SAPCD2: variants seen among roughly 807,000 people sequenced by gnomAD.
SAPCD2 encodes suppressor APC domain containing 2, also known as suppressor APC domain-containing protein 2.
In SAPCD2, 34 loss-of-function variants were observed where a neutral mutation model predicts 37.8. The observed-to-expected ratio is 0.90, with a 90% confidence interval of 0.68 to 1.20. SAPCD2 has a LOEUF of 1.20. Among genes scored for constraint, SAPCD2 ranks in the 50% most tolerant of loss-of-function variants. SAPCD2 has a pLI of 0.00. For synonymous variants in SAPCD2, 275 were observed against 270.3 expected (o/e 1.02, Z -0.17); for missense variants, 572 against 584.7 (o/e 0.98, Z 0.22).
intron 1 of SAPCD2, among the ~76,000 whole-genome samples, chr9:137,067,480 A>G (rs2131530481): frequency 6.6e-6 from 1 of 150,896 alleles, no homozygotes; most frequent in Middle Eastern, 3.4e-3. Flanking sequence ...CAAAAAAAAA[A>G]AAGATCCCTT....
rs1832480327 is a variant in SAPCD2 at position 137,062,866 on chromosome 9, A to G, written c.*1793T>C. 6.6e-6 allele frequency: 1 copy of G among 152,250 alleles called. No individual in the cohort carries two copies. Among genetic ancestry groups the G allele is most frequent in the African/African-American group, 2.4e-5 (1 of 41,458 alleles). 9.4% of individuals were successfully genotyped at this position (152,250 alleles called of 1,614,324 possible). A position where few individuals can be genotyped will look rare whatever the true frequency, so the allele number is the denominator to read the frequency against. ...GAAAGGCAGTTTTTCCGGAGGTGCC[A>G]GCCTGTCTCACATTTCCGCTTCAGC... is the stretch of plus-strand genomic sequence containing the variant. On this transcript the variant is annotated 3_prime_UTR_variant, in exon 6 of 6. Coordinates refer to ENST00000409687, the MANE Select transcript of SAPCD2 (RefSeq NM_178448.4).
At position 137,064,734 on chromosome 9, in the gene SAPCD2, C is replaced by T. The variant is rs759461557; in HGVS notation, c.1110G>A (p.Ala370=). ...GGGCCTCAAACAGCTGCTTAATGAG[C>T]GCCGACTTCTCCTGCTCCAGCTGCG... ...RITQLEQEKS[A]LIKQLFEARA... Residue 370 remains alanine (A), a synonymous_variant, in exon 6 of 6, where the codon GCG becomes GCA. Coordinates refer to ENST00000409687, the MANE Select transcript of SAPCD2 (RefSeq NM_178448.4). 8.2e-6 allele frequency: 13 copies of T among 1,590,906 alleles called. No individual in the cohort carries two copies. The highest frequency in any genetic ancestry group is 1.1e-5 in the Non-Finnish European group (13 of 1,169,674).
chr9:137,065,278 G>T, intron 3 of SAPCD2, 93 bp from the exon 4 acceptor site: 2 of 993,196 alleles, frequency 2.0e-6, no homozygotes, highest in Non-Finnish European at 2.9e-6. Flanking sequence ...TGGCTCTCCT[G>T]CCTCCTGATG....
Position 137,064,652 on chromosome 9 carries a change from A to G in SAPCD2, c.*7T>C. Reference sequence around the variant, plus strand: ...CTGGCCCTGGGGGCCCACGCGGCCCACAAGGACTAGATGAAGGTGGAATCC... The same window carrying G: ...CTGGCCCTGGGGGCCCACGCGGCCCGCAAGGACTAGATGAAGGTGGAATCC... On this transcript the variant is annotated 3_prime_UTR_variant, in exon 6 of 6. Coordinates refer to ENST00000409687, the MANE Select transcript of SAPCD2 (RefSeq NM_178448.4). 3.8e-6 allele frequency: 6 copies of G among 1,595,244 alleles called. No homozygotes were observed. Among genetic ancestry groups the G allele is most frequent in the Non-Finnish European group, 5.1e-6 (6 of 1,172,396 alleles).
At chr9:137,067,545 GGGGGGAT>G (rs1564261577) in intron 1 of SAPCD2, among the ~76,000 whole-genome samples, 2 of 151,078 alleles carry the variant, frequency 1.3e-5, no homozygotes, top group Admixed American at 1.3e-4. Flanking sequence ...GCTGGGGCGG[GGGGGGAT>G]CAGTTGAGGT....
In SAPCD2 at chr9:137,065,678, G is replaced by T. The variant is rs537713409; in HGVS notation, c.685-10C>A. 1 of 1,595,348 alleles carries T rather than the reference G, an allele frequency of 6.3e-7. No individual in the cohort carries two copies. The highest frequency in any genetic ancestry group is 1.1e-5 in the South Asian group (1 of 89,642). ...CCTTCATCTGCTTCAGCTGCAATAC[G>T]TGCATTTACATGGAATGCCTGGCCC... On this transcript the variant is annotated splice_polypyrimidine_tract_variant and intron_variant, in intron 2 of 5. Transcript: ENST00000409687.
At chr9:137,069,546 G>A (rs904074322) in intron 1 of SAPCD2, among the ~76,000 whole-genome samples, 1 of 152,206 alleles carries the variant, frequency 6.6e-6, no homozygotes, top group Non-Finnish European at 1.5e-5. Context: ...CCCCAGGTGC[G>A]GAAAGGGTAT....
At position 137,069,869 on chromosome 9, in the gene SAPCD2, CG is replaced by C. The variant is rs1376228997; in HGVS notation, c.571+20del. On this transcript the variant is annotated intron_variant, in intron 1 of 5. Transcript: ENST00000409687. ...GGCCCGGGAGAGCTACGAGGGTGCC[CG>C]GGGGCCGTCCGGAACTCACCTGCGT... 1.3e-5 allele frequency: 16 copies of C among 1,250,966 alleles called. No homozygotes were observed. In the South Asian group the frequency reaches 1.7e-4, roughly 13 times the overall value. The allele number at this position is 1,250,966 out of a possible 1,614,324, so 77.5% of individuals were successfully genotyped here.
rs148202595 is a variant in SAPCD2, at chr9:137,064,567, T to C, written c.*92A>G. Reference sequence around the variant, plus strand: ...GGACTGTGCCTGGGCCTGCCGGGGGTCTCCAGCCAGAGAGGGTGGGTGCGA... The same window carrying C: ...GGACTGTGCCTGGGCCTGCCGGGGGCCTCCAGCCAGAGAGGGTGGGTGCGA... On this transcript the variant is annotated 3_prime_UTR_variant, in exon 6 of 6. Coordinates refer to ENST00000409687, the MANE Select transcript of SAPCD2 (RefSeq NM_178448.4). 6 of 1,439,938 alleles carry C rather than the reference T, an allele frequency of 4.2e-6. No homozygotes were observed. In the African/African-American group the frequency reaches 5.7e-5, roughly 14 times the overall value. 89.2% of individuals were successfully genotyped at this position (1,439,938 alleles called of 1,614,324 possible).
chr9:137,064,703 G>A lies in SAPCD2; in HGVS notation c.1141C>T (p.Leu381=). 6.3e-7 allele frequency: 1 copy of A among 1,595,594 alleles called. No individual in the cohort carries two copies. The highest frequency in any genetic ancestry group is 2.3e-5 in the East Asian group (1 of 44,004). ...LIKQLFEARA[L]SQQDGGPLDS... Reference sequence around the variant, plus strand: ...AGAGGTCCCCCGTCCTGCTGGCTCAGGGCGCGGGCCTCAAACAGCTGCTTA... The same window carrying A: ...AGAGGTCCCCCGTCCTGCTGGCTCAAGGCGCGGGCCTCAAACAGCTGCTTA... Residue 381 remains leucine, a synonymous_variant, in exon 6 of 6, where the codon CTG becomes TTG. Transcript: ENST00000409687.
At chr9:137,065,786 T>G (rs1423934427) in intron 2 of SAPCD2, 118 bp from the exon 3 acceptor site, 1 of 1,284,912 alleles carries the variant, frequency 7.8e-7, no homozygotes, top group African/African-American at 1.5e-5. Context: ...CAGCAGCACG[T>G]GTACACGTTT....
Position 137,070,221 on chromosome 9 carries a change from G to A in SAPCD2, c.240C>T (p.Gly80=). 2 of 1,402,302 alleles carry A rather than the reference G, an allele frequency of 1.4e-6. No homozygotes were observed. Among genetic ancestry groups the A allele is most frequent in the Non-Finnish European group, 1.9e-6 (2 of 1,072,714 alleles). The allele number at this position is 1,402,302 out of a possible 1,614,324, so 86.9% of individuals were successfully genotyped here. The change falls in exon 1 of 6, where the codon GGC becomes GGT. Residue 80 remains glycine (G), a synonymous_variant. Transcript: ENST00000409687. The part of the protein sequence containing the change: ...EGLRQVAPAS[G]YLTFERFVAG... ...CCACGAAGCGCTCGAAGGTCAGGTA[G>A]CCGCTGGCCGGGGCCACCTGGCGCA...
At position 137,065,574 on chromosome 9, in the gene SAPCD2, A is replaced by T. The variant is rs1361768335; in HGVS notation, c.779T>A (p.Leu260Gln). The change falls in exon 3 of 6, where the codon CTG (leucine) becomes CAG (glutamine). Residue 260 changes from leucine (L) to glutamine (Q), a missense_variant. By Grantham distance (113) the Leu-to-Gln change is moderately radical. Coordinates refer to ENST00000409687, the MANE Select transcript of SAPCD2 (RefSeq NM_178448.4). ...GCGCTGGCGCTCCTGCACTCGTTGCAGCTGCTGCTGGTACCAGTCGCGGCC... is the reference window on the plus strand; with the variant it reads ...GCGCTGGCGCTCCTGCACTCGTTGCTGCTGCTGCTGGTACCAGTCGCGGCC... ...ARGRDWYQQQLQRVQERQRRL... is the reference protein window; with the variant it reads ...ARGRDWYQQQQQRVQERQRRL... 1.2e-6 allele frequency: 2 copies of T among 1,610,346 alleles called. No individual in the cohort carries two copies. The highest frequency in any genetic ancestry group is 2.7e-5 in the African/African-American group (2 of 74,982).
In SAPCD2 at chr9:137,064,593, T is replaced by A; in HGVS notation, c.*66A>T. On this transcript the variant is annotated 3_prime_UTR_variant, in exon 6 of 6. Transcript: ENST00000409687. ...CTCCAGCCAGAGAGGGTGGGTGCGA[T>A]GGGGCGCCCACCCTCGAAGGGCTGA... 6.5e-7 allele frequency: 1 copy of A among 1,527,462 alleles called. No homozygotes were observed. The highest frequency in any genetic ancestry group is 2.4e-5 in the East Asian group (1 of 41,066). The allele number at this position is 1,527,462 out of a possible 1,614,324, so 94.6% of individuals were successfully genotyped here. A position where few individuals can be genotyped will look rare whatever the true frequency, so the allele number is the denominator to read the frequency against.
intron 1 of SAPCD2, 53 bp downstream of exon 1, chr9:137,069,837 T>C: frequency 1.7e-6 from 2 of 1,178,916 alleles, no homozygotes; most frequent in East Asian, 3.3e-5. Context: ...CTGCGGTTTC[T>C]GGCCCGGGCC....
rs1832603078 is a variant in SAPCD2, at chr9:137,070,122, C to T, written c.339G>A (p.Gly113=). The T allele has an allele frequency of 8.4e-6, 10 of 1,193,382 alleles. No individual in the cohort carries two copies. Among genetic ancestry groups the T allele is most frequent in the Non-Finnish European group, 1.0e-5 (10 of 964,544 alleles). 73.9% of individuals were successfully genotyped at this position (1,193,382 alleles called of 1,614,324 possible). ...RDPTRAPARP[G]DQPPPPPQRL... is the part of the protein sequence containing the mutation. The stretch of plus-strand genomic sequence containing the variant: ...GCTGCGGCGGCGGCGGCGGCTGATC[C>T]CCGGGCCGGGCCGGGGCGCGCGTGG... Residue 113 remains glycine (G), a synonymous_variant, in exon 1 of 6, where the codon GGG becomes GGA. Transcript: ENST00000409687.
Position 137,064,268 on chromosome 9 carries a change from T to G in SAPCD2, c.*391A>C. The G allele has an allele frequency of 2.0e-5, 5 of 250,528 alleles. No homozygotes were observed. Among genetic ancestry groups the G allele is most frequent in the Non-Finnish European group, 3.2e-5 (4 of 125,720 alleles). 15.5% of individuals were successfully genotyped at this position (250,528 alleles called of 1,614,324 possible). On this transcript the variant is annotated 3_prime_UTR_variant, in exon 6 of 6. Transcript: ENST00000409687. ...GCCGCCCCGCGCCCTCTGCTGCCCG[T>G]TGTTGGAAGTGCAGCCTGGCGTGGG...
chr9:137,064,572 A>C lies in SAPCD2; in HGVS notation c.*87T>G. 6.8e-7 allele frequency: 1 copy of C among 1,480,450 alleles called. No homozygotes were observed. Among genetic ancestry groups the C allele is most frequent in the South Asian group, 1.2e-5 (1 of 81,760 alleles). The allele number at this position is 1,480,450 out of a possible 1,614,324, so 91.7% of individuals were successfully genotyped here. ...GTGCCTGGGCCTGCCGGGGGTCTCC[A>C]GCCAGAGAGGGTGGGTGCGATGGGG... On this transcript the variant is annotated 3_prime_UTR_variant, in exon 6 of 6. Coordinates refer to ENST00000409687, the MANE Select transcript of SAPCD2 (RefSeq NM_178448.4).
chr9:137,066,117 T>C, intron 2 of SAPCD2, 145 bp downstream of exon 2: 1 of 711,776 alleles, frequency 1.4e-6, no homozygotes, highest in Non-Finnish European at 2.4e-6. Flanking sequence ...TCCAGGGGAG[T>C]CAAGCCCAGG....
Sources: gnomAD v4.1 joint callset for allele counts (sites outside exome capture counted in the v4.1 genomes callset) on GRCh38, gnomAD v4.1.1 for gene constraint, MANE v1.5 for transcripts, NCBI Gene and HGNC (gene_info 2026-07-23, HGNC 2026-07-21) for gene names.